UCHL3: variants seen among roughly 807,000 people sequenced by gnomAD.
The protein encoded by UCHL3 is ubiquitin carboxyl-terminal hydrolase isozyme L3.
In UCHL3, 22 loss-of-function variants were observed where a neutral mutation model predicts 35.8. The ratio of observed to expected loss-of-function variants is 0.61; its 90% confidence interval spans 0.44 to 0.88. The LOEUF is 0.88. Among genes scored for constraint, UCHL3 ranks in the 40% least tolerant of loss-of-function variants. UCHL3 has a pLI of 0.00. For missense variants in UCHL3, 229 were observed against 276.9 expected, an observed-to-expected ratio of 0.83 and a Z score of 1.23; for synonymous variants, 90 against 92.8, an observed-to-expected ratio of 0.97 and a Z score of 0.17.
chr13:75,584,562 C>CTGTG (rs1297618924), intron 6 of UCHL3, among the ~76,000 whole-genome samples: 1 of 152,158 alleles, frequency 6.6e-6, no homozygotes, highest in Non-Finnish European at 1.5e-5. Flanking sequence ...TTTAGGCATA[C>CTGTG]ATATTATTTA....
At position 75,585,788 on chromosome 13, in the gene UCHL3, C is replaced by T. The variant is rs148809111; in HGVS notation, c.475-9127C>T. On this transcript the variant is annotated intron_variant, in intron 6 of 8. Coordinates refer to ENST00000377595, the MANE Select transcript of UCHL3 (RefSeq NM_006002.5). ...ATACTGTTGTGAGGTTCTTATACTA[C>T]ATATGTAGTGGTGTAATACTGTTTG... Among the ~76,000 whole-genome samples, 41 of 152,096 alleles carry T rather than the reference C, an allele frequency of 2.7e-4. No homozygotes were observed. In the East Asian group the frequency reaches 7.1e-3, roughly 26 times the overall value.
intron 3 of UCHL3, among the ~76,000 whole-genome samples, chr13:75,563,606 A>C (rs1446460328): frequency 6.6e-6 from 1 of 151,394 alleles, no homozygotes; most frequent in Non-Finnish European, 1.5e-5. Flanking sequence ...ATCATCACAT[A>C]GTTACTTTTT....
At chr13:75,583,922 C>T (rs1157215720) in intron 6 of UCHL3, among the ~76,000 whole-genome samples, 1 of 152,204 alleles carries the variant, frequency 6.6e-6, no homozygotes, top group Non-Finnish European at 1.5e-5. Context: ...CATATCCACT[C>T]TCTGCAGACC....
chr13:75,549,953 C>T (rs764526705), intron 1 of UCHL3, 23 bp from the exon 2 acceptor site: 1 of 1,614,114 alleles, frequency 6.2e-7, no homozygotes, highest in African/African-American at 1.3e-5. Flanking sequence ...GTCTCTAAAG[C>T]GTGTTCTCTG....
chr13:75,594,921 A>C lies in UCHL3; in HGVS notation c.481A>C (p.Ser161Arg). 2 of 1,605,580 alleles carry C rather than the reference A, an allele frequency of 1.2e-6. No individual in the cohort carries two copies. Among genetic ancestry groups the C allele is most frequent in the South Asian group, 2.2e-5 (2 of 88,902 alleles). ...SAHEGQTEAP[S>R]IDEKVDLHFI... ...TTTTTCCCTCCTATTCCAGGCACCA[A>C]GTATAGATGAGAAAGTAGATCTTCA... The change falls in exon 7 of 9, where the codon AGT becomes CGT. Residue 161 changes from serine (S) to arginine (R), a missense_variant. Ser to Arg is a moderately radical substitution (Grantham distance 110, BLOSUM62 -1). Transcript: ENST00000377595.
intron 2 of UCHL3, among the ~76,000 whole-genome samples, chr13:75,550,698 C>G (rs2031063142): frequency 6.8e-6 from 1 of 148,062 alleles, no homozygotes; most frequent in Non-Finnish European, 1.5e-5. Flanking sequence ...TTGATCTGCT[C>G]AGGTGTGCCT....
At chr13:75,559,355 T>A (rs1369804987) in intron 2 of UCHL3, among the ~76,000 whole-genome samples, 1 of 152,164 alleles carries the variant, frequency 6.6e-6, no homozygotes, top group African/African-American at 2.4e-5. Flanking sequence ...CCCCGGACTC[T>A]TATAGGGCAT....
intron 5 of UCHL3, among the ~76,000 whole-genome samples, chr13:75,568,873 G>A (rs2138497389): frequency 1.3e-5 from 2 of 152,172 alleles, no homozygotes; most frequent in Admixed American, 1.3e-4. Flanking sequence ...TATAAAGATT[G>A]TACTTTCACC....
chr13:75,583,676 T>C (rs2032245807), intron 6 of UCHL3, among the ~76,000 whole-genome samples: 1 of 152,180 alleles, frequency 6.6e-6, no homozygotes, highest in Non-Finnish European at 1.5e-5. Context: ...TAAAGCGTAA[T>C]TGTAGAAAAC....
chr13:75,577,524 G>A (rs2032061341), intron 6 of UCHL3, among the ~76,000 whole-genome samples: 2 of 152,150 alleles, frequency 1.3e-5, no homozygotes, highest in Admixed American at 6.5e-5. Flanking sequence ...CCAATAGTCC[G>A]TGGATATCGA....
In UCHL3 at chr13:75,566,874, A is replaced by C. The variant is rs750175027; in HGVS notation, c.340+23A>C. ...TTGGTAAATGATTTTTCATTACTGCATTTTTTCCCCCTTAAGATACAAGTT... is the reference window on the plus strand; with the variant it reads ...TTGGTAAATGATTTTTCATTACTGCCTTTTTTCCCCCTTAAGATACAAGTT... On this transcript the variant is annotated intron_variant, in intron 4 of 8. Coordinates refer to ENST00000377595, the MANE Select transcript of UCHL3 (RefSeq NM_006002.5). 3 of 1,575,032 alleles carry C rather than the reference A, an allele frequency of 1.9e-6. No homozygotes were observed. The South Asian group carries it at 3.5e-5, about 19-fold the overall frequency.
intron 8 of UCHL3, among the ~76,000 whole-genome samples, chr13:75,605,221 C>G (rs2032903253): frequency 6.6e-6 from 1 of 152,154 alleles, no homozygotes; most frequent in African/African-American, 2.4e-5. Context: ...TTTAAGAACA[C>G]TTACGGCCAG....
chr13:75,555,223 G>A (rs1300841527), intron 2 of UCHL3, among the ~76,000 whole-genome samples: 1 of 152,162 alleles, frequency 6.6e-6, no homozygotes, highest in Non-Finnish European at 1.5e-5. Flanking sequence ...GTCATCTGTG[G>A]CTCAAGTTCA....
intron 2 of UCHL3, among the ~76,000 whole-genome samples, chr13:75,553,124 T>G (rs2031170474): frequency 6.6e-6 from 1 of 152,240 alleles, no homozygotes; most frequent in Non-Finnish European, 1.5e-5. Flanking sequence ...TCACAATAAA[T>G]AAATCATATA....
intron 7 of UCHL3, among the ~76,000 whole-genome samples, chr13:75,602,718 TA>T (rs1455264205): frequency 6.6e-6 from 1 of 152,198 alleles, no homozygotes; most frequent in Admixed American, 6.5e-5. Context: ...TACTGTCTTT[TA>T]AAAACATAAA....
At chr13:75,595,746 T>C (rs907790291) in intron 7 of UCHL3, among the ~76,000 whole-genome samples, 5 of 151,446 alleles carry the variant, frequency 3.3e-5, no homozygotes, top group African/African-American at 1.2e-4. Flanking sequence ...TATGTCAGAG[T>C]ACCCATGATT....
chr13:75,574,547 A>AGT (rs1471120229), intron 6 of UCHL3, among the ~76,000 whole-genome samples: 10 of 152,226 alleles, frequency 6.6e-5, no homozygotes, highest in African/African-American at 1.9e-4. Context: ...TAGCTTAGGC[A>AGT]GGATACTTTC....
At chr13:75,586,270 A>G (rs73223971) in intron 6 of UCHL3, among the ~76,000 whole-genome samples, 1,903 of 152,154 alleles carry the variant, frequency 0.013, 30 homozygotes, top group Non-Finnish European at 0.016. Flanking sequence ...AGTGTTGAAG[A>G]AGGACATTAC....
intron 6 of UCHL3, among the ~76,000 whole-genome samples, chr13:75,592,427 T>TACGTATATACATATATAC (rs2032508214): frequency 2.8e-5 from 2 of 72,404 alleles, no homozygotes; most frequent in African/African-American, 1.0e-4. Flanking sequence ...TATATATATA[T>TACGTATATACATATATAC]ATATATATAT....
Sources: allele counts gnomAD v4.1 joint callset (sites outside exome capture counted in the v4.1 genomes callset), GRCh38; gene constraint gnomAD v4.1.1; transcripts MANE v1.5; gene names NCBI Gene and HGNC (gene_info 2026-07-23, HGNC 2026-07-21).